Variants in ZNF560 observed in about 807,000 individuals in gnomAD.
The protein encoded by ZNF560 is zinc finger protein 560.
A neutral mutation model predicts 81.8 loss-of-function variants in ZNF560; 54 were observed. The ratio of observed to expected loss-of-function variants is 0.66; its 90% CI spans 0.53 to 0.83. ZNF560 has a LOEUF of 0.83. Ranked by LOEUF, ZNF560 falls within the 40% of genes least tolerant of loss-of-function variation. The pLI is 0.00. For missense variants in ZNF560, 940 were observed against 932.4 expected (o/e 1.01, Z -0.11); for synonymous variants, 321 against 317.9 (o/e 1.01, Z -0.10).
intron 2 of ZNF560, among the ~76,000 whole-genome samples, chr19:9,483,562 G>A (rs1386975899): frequency 2.1e-5 from 3 of 143,238 alleles, no homozygotes; most frequent in South Asian, 2.2e-4. Flanking sequence ...CCGGCCAGCC[G>A]CCCCGTCCGG....
chr19:9,500,070 G>A (rs1360775248), upstream of ZNF560, among the ~76,000 whole-genome samples: 2 of 151,732 alleles, frequency 1.3e-5, no homozygotes, highest in East Asian at 3.9e-4. Context: ...TTATTTTCTT[G>A]TGTAATTGCT....
chr19:9,478,022 T>C (rs1297410063), intron 2 of ZNF560, among the ~76,000 whole-genome samples: 1 of 152,058 alleles, frequency 6.6e-6, no homozygotes, highest in Non-Finnish European at 1.5e-5. Context: ...AATATATAAA[T>C]ATCCATACTC....
At chr19:9,487,899 C>A (rs1203534593) in intron 2 of ZNF560, among the ~76,000 whole-genome samples, 1 of 152,026 alleles carries the variant, frequency 6.6e-6, no homozygotes, top group African/African-American at 2.4e-5. Flanking sequence ...AATATGGAAC[C>A]TGGAACGAAG....
chr19:9,474,091 A>G (rs908781556), intron 4 of ZNF560, 108 bp downstream of exon 4: 288 of 1,281,622 alleles, frequency 2.2e-4, no homozygotes, highest in East Asian at 5.8e-4. Flanking sequence ...TATGGCAGGG[A>G]CAACGTCTCT....
the ZNF560 span, among the ~76,000 whole-genome samples, chr19:9,450,370 ACAAT>A: frequency 6.6e-6 from 1 of 152,184 alleles, no homozygotes; most frequent in Non-Finnish European, 1.5e-5. Context: ...CCCAGCCAGA[ACAAT>A]CAAAGAAATA....
upstream of ZNF560, among the ~76,000 whole-genome samples, chr19:9,500,147 G>A (rs1246788817): frequency 6.6e-6 from 1 of 152,074 alleles, no homozygotes; most frequent in African/African-American, 2.4e-5. Context: ...ATTTTGGGAG[G>A]CCGAGGTGGG....
chr19:9,497,289 C>G (rs975307749), intron 2 of ZNF560, among the ~76,000 whole-genome samples: 2 of 151,994 alleles, frequency 1.3e-5, no homozygotes, highest in Non-Finnish European at 2.9e-5. Flanking sequence ...TAAAACAACA[C>G]TCTTATCATT....
upstream of ZNF560, among the ~76,000 whole-genome samples, chr19:9,500,166 C>T (rs1261370399): frequency 6.6e-6 from 1 of 151,884 alleles, no homozygotes; most frequent in African/African-American, 2.4e-5. Context: ...GGTGGATCAC[C>T]TGAGGTCAGG....
upstream of ZNF560, among the ~76,000 whole-genome samples, chr19:9,501,604 G>A (rs1042866626): frequency 9.9e-5 from 15 of 150,930 alleles, no homozygotes; most frequent in Admixed American, 3.3e-4. Flanking sequence ...CAGGTGATCC[G>A]CCCATCTCAG....
chr19:9,449,704 C>T, the ZNF560 span, among the ~76,000 whole-genome samples: 1 of 152,208 alleles, frequency 6.6e-6, no homozygotes, highest in Non-Finnish European at 1.5e-5. Flanking sequence ...CACAGTGGCT[C>T]ATGCCTGTAA....
At position 9,467,439 on chromosome 19, in the gene ZNF560, A is replaced by G; in HGVS notation, c.1508T>C (p.Leu503Pro). ...AGTGTGAGTTCTCAAATGAGCAAAA[A>G]GAGATGAGAAAGAAACAAAGACTTT... The part of the protein sequence containing the change: ...CGKVFVSFSS[L>P]FAHLRTHTGE... Residue 503 changes from leucine to proline, a missense_variant, in exon 10 of 10, where the codon CTT becomes CCT. Transcript: ENST00000301480. 6.2e-7 allele frequency: 1 copy of G among 1,614,064 alleles called. No individual in the cohort carries two copies. Among genetic ancestry groups the G allele is most frequent in the East Asian group, 2.2e-5 (1 of 44,878 alleles).
At chr19:9,453,956 A>G in the ZNF560 span, among the ~76,000 whole-genome samples, 1 of 152,262 alleles carries the variant, frequency 6.6e-6, no homozygotes, top group Non-Finnish European at 1.5e-5. Flanking sequence ...GAAACTGGCC[A>G]TAAACAAGAT....
At position 9,466,548 on chromosome 19, in the gene ZNF560, AT is replaced by A; in HGVS notation, c.*25del. On this transcript the variant is annotated 3_prime_UTR_variant, in exon 10 of 10. Coordinates refer to ENST00000301480, the MANE Select transcript of ZNF560 (RefSeq NM_152476.3). Reference sequence around the variant, plus strand: ...GAGGAAACAGCAAAGGTTTTTCCACATTCTTCACATCCACAGGGCTTCTCTC... The same window carrying A: ...GAGGAAACAGCAAAGGTTTTTCCACATCTTCACATCCACAGGGCTTCTCTC... 6.5e-7 allele frequency: 1 copy of A among 1,539,520 alleles called. No homozygotes were observed. The highest frequency in any genetic ancestry group is 8.7e-7 in the Non-Finnish European group (1 of 1,145,836).
At chr19:9,460,093 A>T in the ZNF560 span, among the ~76,000 whole-genome samples, 1 of 152,136 alleles carries the variant, frequency 6.6e-6, no homozygotes. Flanking sequence ...TCTCCAGGAC[A>T]GAATCAACAG....
chr19:9,495,661 G>A (rs770085124), intron 2 of ZNF560, among the ~76,000 whole-genome samples: 8 of 151,994 alleles, frequency 5.3e-5, no homozygotes, highest in Non-Finnish European at 1.2e-4. Flanking sequence ...GTATTCAGAT[G>A]GCACCACTGC....
downstream of ZNF560, among the ~76,000 whole-genome samples, chr19:9,462,668 C>CAA (rs34617099): frequency 1.3e-3 from 193 of 148,098 alleles, 1 homozygote; most frequent in African/African-American, 4.6e-3. Flanking sequence ...AATATTCTAG[C>CAA]AAAAAAAAAA....
chr19:9,480,954 C>G (rs1377676319), intron 2 of ZNF560, among the ~76,000 whole-genome samples: 2 of 151,852 alleles, frequency 1.3e-5, no homozygotes, highest in East Asian at 3.9e-4. Flanking sequence ...TGTGGTGGTG[C>G]ACGCCTGTAG....
chr19:9,477,339 T>C (rs2073218301), intron 2 of ZNF560, among the ~76,000 whole-genome samples: 1 of 152,178 alleles, frequency 6.6e-6, no homozygotes. Context: ...GAACCAGGAC[T>C]TGAATGCAGT....
At chr19:9,489,605 A>ATT (rs112506039) in intron 2 of ZNF560, among the ~76,000 whole-genome samples, 50 of 145,232 alleles carry the variant, frequency 3.4e-4, no homozygotes, top group African/African-American at 1.2e-3. Context: ...AGTCTCATGT[A>ATT]TTTTTTTTTT....
Sources: gnomAD v4.1 joint callset for allele counts (sites outside exome capture counted in the v4.1 genomes callset) on GRCh38, gnomAD v4.1.1 for gene constraint, MANE v1.5 for transcripts, NCBI Gene and HGNC (gene_info 2026-07-23, HGNC 2026-07-21) for gene names.